HYDIN: variants seen among roughly 807,000 people sequenced by gnomAD.
HYDIN encodes HYDIN axonemal central pair apparatus protein, also known as axonemal central pair apparatus protein HYDIN.
Under a neutral mutation model 403.9 loss-of-function variants are expected in HYDIN, and 132 were observed. That is an observed-to-expected ratio of 0.33 (90% confidence interval 0.28 to 0.38). The LOEUF is 0.38. HYDIN is among the 10% of genes least tolerant of loss of function. The probability of loss-of-function intolerance (pLI) is 1.00; values close to 1 mark genes in which losing one functional copy is unlikely to be tolerated. For missense variants in HYDIN, 2,827 were observed against 5,009.5 expected (o/e 0.56, Z 13.15); for synonymous variants, 1,202 against 1,891.7 (o/e 0.64, Z 9.46).
intron 36 of HYDIN, among the ~76,000 whole-genome samples, chr16:70,968,776 A>T (rs2078657454): frequency 6.6e-6 from 1 of 152,250 alleles, no homozygotes. Flanking sequence ...AACAACCAGG[A>T]AAACTTCAGC....
chr16:71,085,538 A>G (rs2082907681), intron 12 of HYDIN, among the ~76,000 whole-genome samples: 1 of 151,126 alleles, frequency 6.6e-6, no homozygotes, highest in Non-Finnish European at 1.5e-5. Context: ...TTAGTTTTTT[A>G]TTATTGAAAG....
chr16:71,209,127 A>G (rs1181463532), intron 1 of HYDIN, among the ~76,000 whole-genome samples: 4 of 151,478 alleles, frequency 2.6e-5, no homozygotes, highest in Admixed American at 2.0e-4. Context: ...CTTGATAAGC[A>G]TAGATGAAAA....
At chr16:71,019,570 C>T (rs541535986) in intron 22 of HYDIN, among the ~76,000 whole-genome samples, 3 of 152,228 alleles carry the variant, frequency 2.0e-5, no homozygotes, top group East Asian at 3.8e-4. Context: ...CTGTAGCACT[C>T]GGTATCGCCA....
In HYDIN at chr16:70,802,789, T is replaced by C. The variant is rs543148143; in HGVS notation, c.*4791A>G. 7 of 152,356 alleles carry C rather than the reference T, an allele frequency of 4.6e-5. No homozygotes were observed. In the East Asian group the frequency reaches 1.3e-3, roughly 29 times the overall value. The allele number at this position is 152,356 out of a possible 1,614,324, so 9.4% of individuals were successfully genotyped here. ...CTCGGCAAGTCATGGATATATCATGTCTAGAAAAATCCATAAAAAATGTAT... is the reference window on the plus strand; with the variant it reads ...CTCGGCAAGTCATGGATATATCATGCCTAGAAAAATCCATAAAAAATGTAT... On this transcript the variant is annotated 3_prime_UTR_variant, in exon 86 of 86. Coordinates refer to ENST00000393567, the MANE Select transcript of HYDIN (RefSeq NM_001270974.2).
intron 45 of HYDIN, among the ~76,000 whole-genome samples, chr16:70,922,706 G>GA (rs2077030542): frequency 6.7e-6 from 1 of 150,108 alleles, no homozygotes; most frequent in Non-Finnish European, 1.5e-5. Context: ...ATTGAACAAT[G>GA]AAAACACTGA....
At chr16:71,121,711 C>CA (rs1261315379) in intron 9 of HYDIN, among the ~76,000 whole-genome samples, 44 of 141,032 alleles carry the variant, frequency 3.1e-4, no homozygotes, top group African/African-American at 8.3e-4. Flanking sequence ...AAAGAATAAG[C>CA]AAAAAAACCC....
At chr16:70,897,231 C>T (rs541018289) in intron 53 of HYDIN, among the ~76,000 whole-genome samples, 10 of 152,020 alleles carry the variant, frequency 6.6e-5, no homozygotes, top group African/African-American at 1.2e-4. Flanking sequence ...AACTAGGAGG[C>T]GGTAAAGGGT....
At chr16:71,191,907 C>T (rs1168919055) in intron 1 of HYDIN, among the ~76,000 whole-genome samples, 6 of 152,164 alleles carry the variant, frequency 3.9e-5, no homozygotes, top group Non-Finnish European at 2.9e-5. Flanking sequence ...TAGGCATCAC[C>T]TATGACTTCT....
At chr16:71,213,230 G>A (rs1003786046) in intron 1 of HYDIN, among the ~76,000 whole-genome samples, 3 of 152,110 alleles carry the variant, frequency 2.0e-5, no homozygotes, top group Non-Finnish European at 2.9e-5. Context: ...AAAAATCTAA[G>A]AGGCAAGAAG....
chr16:70,875,213 C>T (rs1039041265), intron 62 of HYDIN, among the ~76,000 whole-genome samples: 1 of 150,098 alleles, frequency 6.7e-6, no homozygotes, highest in Non-Finnish European at 1.5e-5. Context: ...GCCAACACCT[C>T]TGTCATTAAC....
intron 9 of HYDIN, among the ~76,000 whole-genome samples, chr16:71,117,633 C>T (rs552816527): frequency 1.1e-4 from 16 of 151,496 alleles, no homozygotes; most frequent in Admixed American, 2.0e-4. Context: ...TAAACAGTCC[C>T]GCCAGCTAAA....
intron 74 of HYDIN, 96 bp from the exon 75 acceptor site, chr16:70,850,043 A>G: frequency 3.3e-6 from 2 of 599,816 alleles, no homozygotes; most frequent in South Asian, 4.0e-5. Flanking sequence ...CCTTTGGGAA[A>G]TAAGGATGGC....
intron 18 of HYDIN, among the ~76,000 whole-genome samples, chr16:71,052,028 T>C (rs1378008905): frequency 6.6e-6 from 1 of 152,290 alleles, no homozygotes; most frequent in African/African-American, 2.4e-5. Context: ...AATTAAAGGA[T>C]ATAAAAGAAA....
rs756925009 is a variant in HYDIN, at chr16:70,974,616, G to A, written c.4827C>T (p.Val1609=). Reference sequence around the variant, plus strand: ...TGATGATCTTGATGATGTGGGTTCGGACTTCGCCAAGGATGATGTAGCCAA... The same window carrying A: ...TGATGATCTTGATGATGTGGGTTCGAACTTCGCCAAGGATGATGTAGCCAA... ...LDFGYIILGE[V]RTHIIKIINT... is the part of the protein sequence containing the mutation. Residue 1609 remains valine (V), a synonymous_variant, in exon 32 of 86, where the codon GTC becomes GTT. Transcript: ENST00000393567. The A allele has an allele frequency of 7.0e-7, 1 of 1,434,194 alleles. No individual in the cohort carries two copies. Among genetic ancestry groups the A allele is most frequent in the Non-Finnish European group, 9.8e-7 (1 of 1,024,440 alleles). 88.8% of individuals were successfully genotyped at this position (1,434,194 alleles called of 1,614,324 possible).
intron 71 of HYDIN, among the ~76,000 whole-genome samples, chr16:70,859,098 G>C (rs2039226921): frequency 6.6e-6 from 1 of 151,544 alleles, no homozygotes; most frequent in Non-Finnish European, 1.5e-5. Flanking sequence ...TCAGGAGATT[G>C]AGACCATCCT....
chr16:71,015,274 C>T (rs374437403), intron 23 of HYDIN, among the ~76,000 whole-genome samples: 528 of 151,434 alleles, frequency 3.5e-3, no homozygotes, highest in African/African-American at 0.011. Context: ...AGGAAGATGC[C>T]GAAGAAAGAG....
intron 45 of HYDIN, among the ~76,000 whole-genome samples, chr16:70,934,412 G>C (rs2077440468): frequency 6.6e-6 from 1 of 152,130 alleles, no homozygotes; most frequent in Admixed American, 6.6e-5. Context: ...CCAGAGCAGA[G>C]AGGAAAACAG....
At chr16:71,186,017 A>C (rs1327058582) in intron 2 of HYDIN, among the ~76,000 whole-genome samples, 1 of 152,216 alleles carries the variant, frequency 6.6e-6, no homozygotes, top group Middle Eastern at 3.2e-3. Context: ...ATAAAATGTT[A>C]AGAGGTGTCA....
intron 41 of HYDIN, among the ~76,000 whole-genome samples, chr16:70,946,711 T>C (rs2077874100): frequency 6.6e-6 from 1 of 152,140 alleles, no homozygotes; most frequent in South Asian, 2.1e-4. Context: ...AGTGAGAAGA[T>C]GGCTGTGGGA....
Sources: gnomAD v4.1 joint callset for allele counts (sites outside exome capture counted in the v4.1 genomes callset) on GRCh38, gnomAD v4.1.1 for gene constraint, MANE v1.5 for transcripts, NCBI Gene and HGNC (gene_info 2026-07-23, HGNC 2026-07-21) for gene names.